Variants in F13A1 observed in about 807,000 individuals in gnomAD.
The protein encoded by F13A1 is coagulation factor XIII A chain, also known as FSF, A subunit.
F13A1 carries 47 observed loss-of-function variants against 80.1 expected under a neutral mutation model. The observed-to-expected ratio is 0.59, with a 90% CI of 0.46 to 0.75. The LOEUF (loss-of-function observed/expected upper bound fraction) is 0.75. F13A1 is among the 30% of genes least tolerant of loss of function. F13A1 has a pLI of 0.00. For synonymous variants in F13A1, 349 were observed against 344.9 expected, an observed-to-expected ratio of 1.01 and a Z score of -0.13; for missense variants, 817 against 930.4, an observed-to-expected ratio of 0.88 and a Z score of 1.59.
intron 3 of F13A1, among the ~76,000 whole-genome samples, chr6:6,268,930 T>TC (rs1010577647): frequency 1.8e-4 from 27 of 149,824 alleles, no homozygotes; most frequent in South Asian, 4.2e-4. Context: ...CCTCAGGTGT[T>TC]CCCCCCCGCC....
chr6:6,177,442 G>A (rs1760901108), intron 11 of F13A1, among the ~76,000 whole-genome samples: 1 of 152,206 alleles, frequency 6.6e-6, no homozygotes. Context: ...CAAGCTCCAT[G>A]AGAACAGAGA....
At position 6,305,606 on chromosome 6, in the gene F13A1, A is replaced by G. The variant is rs1216827656; in HGVS notation, c.131-67T>C. 8.5e-6 allele frequency: 13 copies of G among 1,538,234 alleles called. No individual in the cohort carries two copies. In the Middle Eastern group the frequency reaches 7.0e-4, roughly 83 times the overall value. On this transcript the variant is annotated intron_variant, in intron 2 of 14. Transcript: ENST00000264870. Reference sequence around the variant, plus strand: ...AACTTTAGTTTAAACATAAACTCAAAAACAAGATTATTTTCCCTGAAGAAG... The same window carrying G: ...AACTTTAGTTTAAACATAAACTCAAGAACAAGATTATTTTCCCTGAAGAAG...
chr6:6,196,440 C>T (rs2151082414), intron 9 of F13A1, among the ~76,000 whole-genome samples: 1 of 152,312 alleles, frequency 6.6e-6, no homozygotes, highest in Admixed American at 6.5e-5. Context: ...AAGAGATTAG[C>T]TGCTATTAGT....
At chr6:6,248,477 C>A in intron 5 of F13A1, 58 bp from the exon 6 acceptor site, 1 of 1,363,470 alleles carries the variant, frequency 7.3e-7, no homozygotes, top group Non-Finnish European at 1.0e-6. Context: ...GCAAAATATT[C>A]TCTGATGAAA....
chr6:6,229,723 A>G (rs1196821075), intron 6 of F13A1, among the ~76,000 whole-genome samples: 1 of 152,218 alleles, frequency 6.6e-6, no homozygotes, highest in Non-Finnish European at 1.5e-5. Flanking sequence ...CTCTGAAGGA[A>G]GCAGACTGCT....
At chr6:6,298,979 A>G (rs1333421486) in intron 3 of F13A1, among the ~76,000 whole-genome samples, 1 of 148,074 alleles carries the variant, frequency 6.8e-6, no homozygotes, top group Non-Finnish European at 1.5e-5. Flanking sequence ...GCTTGTCTGT[A>G]ACGTATTTTA....
At chr6:6,161,522 G>A (rs920008760) in intron 13 of F13A1, among the ~76,000 whole-genome samples, 1 of 138,938 alleles carries the variant, frequency 7.2e-6, no homozygotes, top group African/African-American at 2.9e-5. Flanking sequence ...TTCAGAGAGA[G>A]GATGTGTGTG....
chr6:6,261,595 C>G (rs1757782483), intron 4 of F13A1, among the ~76,000 whole-genome samples: 1 of 83,160 alleles, frequency 1.2e-5, no homozygotes, highest in African/African-American at 3.5e-5. Context: ...CCAGGTGATT[C>G]TGATGTGTTC....
chr6:6,219,257 C>A (rs187332954), intron 8 of F13A1, among the ~76,000 whole-genome samples: 102 of 152,172 alleles, frequency 6.7e-4, no homozygotes, highest in African/African-American at 2.3e-3. Context: ...GCACTGACCT[C>A]ACAGAGGTCA....
At chr6:6,294,994 G>C (rs1758300094) in intron 3 of F13A1, among the ~76,000 whole-genome samples, 1 of 146,046 alleles carries the variant, frequency 6.8e-6, no homozygotes, top group Non-Finnish European at 1.5e-5. Context: ...AATATGCGGT[G>C]TTTGGTTTTT....
chr6:6,201,713 GT>G, intron 8 of F13A1, among the ~76,000 whole-genome samples: 1 of 151,770 alleles, frequency 6.6e-6, no homozygotes, highest in African/African-American at 2.4e-5. Flanking sequence ...TTTTTGTTTT[GT>G]TTTGTTTTGT....
chr6:6,314,565 G>A (rs879289816), intron 2 of F13A1, among the ~76,000 whole-genome samples: 1 of 152,100 alleles, frequency 6.6e-6, no homozygotes, highest in Admixed American at 6.5e-5. Flanking sequence ...GCATCAGGAA[G>A]CCCTCCTCAT....
Position 6,224,758 on chromosome 6 carries a change from A to T in F13A1, c.901T>A (p.Leu301Met). The T allele has an allele frequency of 6.2e-7, 1 of 1,614,184 alleles. No individual in the cohort carries two copies. The highest frequency in any genetic ancestry group is 8.5e-7 in the Non-Finnish European group (1 of 1,179,988). ...SAWTGSVDIL[L>M]EYRSSENPVR... ...GGATTCTCAGAGCTCCGGTATTCCA[A>T]TAGAATGTCAACGCTTCCAGTCCAG... The change falls in exon 7 of 15, where the codon TTG becomes ATG. Residue 301 changes from leucine (L) to methionine (M), a missense_variant. Coordinates refer to ENST00000264870, the MANE Select transcript of F13A1 (RefSeq NM_000129.4).
intron 3 of F13A1, among the ~76,000 whole-genome samples, chr6:6,285,942 T>C (rs1008067829): frequency 6.6e-6 from 1 of 152,020 alleles, no homozygotes; most frequent in East Asian, 1.9e-4. Flanking sequence ...ACTCAACTGG[T>C]AAGGAAAAAA....
chr6:6,301,039 AT>A (rs1758422745), intron 3 of F13A1, among the ~76,000 whole-genome samples: 1 of 152,180 alleles, frequency 6.6e-6, no homozygotes, highest in African/African-American at 2.4e-5. Context: ...GTGCACCTGT[AT>A]ATAGAAACCT....
intron 8 of F13A1, among the ~76,000 whole-genome samples, chr6:6,217,900 G>T (rs780197339): frequency 2.1e-4 from 32 of 152,156 alleles, no homozygotes; most frequent in Non-Finnish European, 4.4e-4. Flanking sequence ...ACCACCCATT[G>T]CAGCATGGAG....
At chr6:6,161,547 T>A (rs921406940) in intron 13 of F13A1, among the ~76,000 whole-genome samples, 2 of 150,486 alleles carry the variant, frequency 1.3e-5, no homozygotes, top group African/African-American at 4.9e-5. Context: ...TGTGTGTGTG[T>A]GTGTGAGAGA....
chr6:6,258,649 C>T (rs1227792470), intron 4 of F13A1, among the ~76,000 whole-genome samples: 1 of 152,080 alleles, frequency 6.6e-6, no homozygotes, highest in Non-Finnish European at 1.5e-5. Flanking sequence ...ATTACAGGGC[C>T]ACACTAAATG....
At chr6:6,236,077 G>A (rs1757409680) in intron 6 of F13A1, among the ~76,000 whole-genome samples, 1 of 152,126 alleles carries the variant, frequency 6.6e-6, no homozygotes, top group African/African-American at 2.4e-5. Context: ...TTATATTTGT[G>A]TAAAAGTCTA....
Sources: allele counts gnomAD v4.1 joint callset (sites outside exome capture counted in the v4.1 genomes callset), GRCh38; gene constraint gnomAD v4.1.1; transcripts MANE v1.5; gene names NCBI Gene and HGNC (gene_info 2026-07-23, HGNC 2026-07-21).